The following RPTOR variants were observed in gnomAD, a reference collection of about 807,000 sequenced individuals.
RPTOR encodes the protein regulatory associated protein of MTOR complex 1, also known as regulatory-associated protein of mTOR.
RPTOR carries 21 observed loss-of-function variants against 169.9 expected under a neutral mutation model. That is an observed-to-expected ratio of 0.12 (90% confidence interval 0.09 to 0.18). The LOEUF is 0.18. RPTOR is among the 10% of genes least tolerant of loss of function. The pLI, the probability that RPTOR is intolerant of heterozygous loss-of-function variation, is 1.00. For synonymous variants in RPTOR, 732 were observed against 753.2 expected, an observed-to-expected ratio of 0.97 and a Z score of 0.46; for missense variants, 1,133 against 1,855.9, an observed-to-expected ratio of 0.61 and a Z score of 7.16.
chr17:80,911,442 A>G (rs2068611897), intron 21 of RPTOR, among the ~76,000 whole-genome samples: 1 of 152,218 alleles, frequency 6.6e-6, no homozygotes, highest in Non-Finnish European at 1.5e-5. Flanking sequence ...AAAACTAAGA[A>G]ATAATATAAT....
chr17:80,811,497 C>T (rs889159841), intron 7 of RPTOR, among the ~76,000 whole-genome samples: 1 of 152,206 alleles, frequency 6.6e-6, no homozygotes, highest in Non-Finnish European at 1.5e-5. Flanking sequence ...AAGATCATCT[C>T]ACATGTGTTC....
chr17:80,700,144 T>G (rs957213922), intron 3 of RPTOR, among the ~76,000 whole-genome samples: 1 of 152,168 alleles, frequency 6.6e-6, no homozygotes, highest in African/African-American at 2.4e-5. Context: ...GCTTAAAAGA[T>G]CCTTTCTTGT....
chr17:80,806,103 C>T (rs377602070), intron 7 of RPTOR, among the ~76,000 whole-genome samples: 2 of 152,056 alleles, frequency 1.3e-5, no homozygotes, highest in African/African-American at 2.4e-5. Context: ...AAAAACAAGC[C>T]GCCTCTGGTG....
chr17:80,821,606 C>T (rs750370860), intron 7 of RPTOR, among the ~76,000 whole-genome samples: 2 of 152,144 alleles, frequency 1.3e-5, no homozygotes, highest in African/African-American at 4.8e-5. Flanking sequence ...TTTGTCTCTG[C>T]GTCATCTGCC....
chr17:80,799,795 G>T (rs1471819189), intron 7 of RPTOR, among the ~76,000 whole-genome samples: 1 of 151,578 alleles, frequency 6.6e-6, no homozygotes, highest in Non-Finnish European at 1.5e-5. Flanking sequence ...GGCGACCCTC[G>T]TTGGGAGCGT....
chr17:80,620,491 G>A (rs2065346236), intron 1 of RPTOR, among the ~76,000 whole-genome samples: 1 of 152,210 alleles, frequency 6.6e-6, no homozygotes, highest in Non-Finnish European at 1.5e-5. Flanking sequence ...GAGGCCAGGT[G>A]TGGTGGCTCA....
chr17:80,765,764 T>A (rs183082525), intron 6 of RPTOR, among the ~76,000 whole-genome samples: 3 of 152,164 alleles, frequency 2.0e-5, no homozygotes, highest in African/African-American at 7.2e-5. Context: ...ATGGAGGAAG[T>A]TGAGATCACT....
rs533072089 is a variant in RPTOR, at chr17:80,936,530, T to G, written c.2920-3966T>G. On this transcript the variant is annotated intron_variant, in intron 24 of 33. Transcript: ENST00000306801. The surrounding 1 kb of genome is among the most constrained non-coding windows in gnomAD (Gnocchi z 4.1). ...ATCAGAACAATATTTAAATAAACTA[T>G]TGATAAACGCAGTGGCACAGATGCA... Among the ~76,000 whole-genome samples the G allele has an allele frequency of 6.6e-6, 1 of 152,320 alleles. No homozygotes were observed. Among genetic ancestry groups the G allele is most frequent in the Non-Finnish European group, 1.5e-5 (1 of 68,026 alleles).
chr17:80,645,507 T>G (rs2065588050), intron 3 of RPTOR, among the ~76,000 whole-genome samples: 1 of 152,232 alleles, frequency 6.6e-6, no homozygotes, highest in Non-Finnish European at 1.5e-5. Flanking sequence ...AGAATACATG[T>G]GTTTAATATT....
At position 80,653,948 on chromosome 17, in the gene RPTOR, T is replaced by G. The variant is rs188906932; in HGVS notation, c.348+10138T>G. ...CATTGTGTCGCTGGATTTTCAAGAT[T>G]AAATTCCCCCCACAAGAGTGTTTGA... On this transcript the variant is annotated intron_variant, in intron 3 of 33. Transcript: ENST00000306801. Among the ~76,000 whole-genome samples, 80 of 152,318 alleles carry G rather than the reference T, an allele frequency of 5.3e-4. 1 individual carries two copies. In the East Asian group the frequency reaches 0.013, roughly 25 times the overall value.
At chr17:80,849,895 C>T (rs1286763035) in intron 11 of RPTOR, among the ~76,000 whole-genome samples, 2 of 152,216 alleles carry the variant, frequency 1.3e-5, no homozygotes, top group African/African-American at 4.8e-5. Context: ...TTCGGCAGCT[C>T]GCCCGGAACT....
intron 10 of RPTOR, among the ~76,000 whole-genome samples, chr17:80,843,411 ACT>A (rs1157334278): frequency 1.6e-5 from 2 of 126,394 alleles, no homozygotes; most frequent in East Asian, 4.4e-4. Flanking sequence ...ACAGAGTGAG[ACT>A]CTGTCTCAAA....
chr17:80,614,197 T>C (rs2065292279), intron 1 of RPTOR, among the ~76,000 whole-genome samples: 1 of 152,154 alleles, frequency 6.6e-6, no homozygotes, highest in African/African-American at 2.4e-5. Context: ...AGCCACATGC[T>C]GCGGTTGGGG....
chr17:80,866,407 A>G (rs545083825), intron 13 of RPTOR, among the ~76,000 whole-genome samples: 2 of 152,212 alleles, frequency 1.3e-5, no homozygotes, highest in African/African-American at 4.8e-5. Flanking sequence ...GCGTGAGTGG[A>G]GTAAACCCAA....
intron 11 of RPTOR, among the ~76,000 whole-genome samples, chr17:80,849,384 A>T (rs1245195301): frequency 6.6e-6 from 1 of 152,166 alleles, no homozygotes; most frequent in African/African-American, 2.4e-5. Context: ...CCTCCTGTAA[A>T]CGTGAGCATG....
At position 80,958,536 on chromosome 17, in the gene RPTOR, G is replaced by A. The variant is rs574168910; in HGVS notation, c.3477+806G>A. ...TGCCATTCTTCTGCCTCAGCCTCCCGAGTAGCTGGGACTACAAGCGCCCAC... is the reference window on the plus strand; with the variant it reads ...TGCCATTCTTCTGCCTCAGCCTCCCAAGTAGCTGGGACTACAAGCGCCCAC... On this transcript the variant is annotated intron_variant, in intron 29 of 33. Coordinates refer to ENST00000306801, the MANE Select transcript of RPTOR (RefSeq NM_020761.3). Among the ~76,000 whole-genome samples the A allele has an allele frequency of 1.2e-3, 175 of 143,978 alleles. 1 individual carries two copies. Among genetic ancestry groups the A allele is most frequent in the Admixed American group, 7.9e-4 (11 of 13,886 alleles). The allele number at this position is 143,978 out of a possible 152,430, so 94.5% of individuals were successfully genotyped here. A position where few individuals can be genotyped will look rare whatever the true frequency, so the allele number is the denominator to read the frequency against.
rs759249793 is a variant in RPTOR at position 80,960,054 on chromosome 17, C to T, written c.3478-24C>T. 2.5e-5 allele frequency: 41 copies of T among 1,611,916 alleles called. No homozygotes were observed. Among genetic ancestry groups the T allele is most frequent in the African/African-American group, 6.7e-5 (5 of 74,902 alleles). Reference sequence around the variant, plus strand: ...GGTGGCTCGGTGCCCCGGTCTTCACCGGGCTGCCTGTGTTTGGCTCTAGGA... The same window carrying T: ...GGTGGCTCGGTGCCCCGGTCTTCACTGGGCTGCCTGTGTTTGGCTCTAGGA... On this transcript the variant is annotated intron_variant, in intron 29 of 33. Transcript: ENST00000306801. The surrounding 1 kb of genome is among the most constrained non-coding windows in gnomAD (Gnocchi z 4.8).
At chr17:80,838,162 T>G (rs1198158976) in intron 10 of RPTOR, among the ~76,000 whole-genome samples, 165 bp downstream of exon 10, 1 of 152,010 alleles carries the variant, frequency 6.6e-6, no homozygotes, top group Non-Finnish European at 1.5e-5. Flanking sequence ...AAACATCGAG[T>G]CAACCAGGGT....
At chr17:80,629,610 T>C (rs887893600) in intron 2 of RPTOR, among the ~76,000 whole-genome samples, 3 of 151,680 alleles carry the variant, frequency 2.0e-5, no homozygotes, top group Non-Finnish European at 2.9e-5. Context: ...CTCAGCTCTC[T>C]ATGTATTGCG....
Sources: gnomAD v4.1 joint callset for allele counts (sites outside exome capture counted in the v4.1 genomes callset) on GRCh38, gnomAD v4.1.1 for gene constraint, Gnocchi (gnomAD v3.1) non-coding constraint, MANE v1.5 for transcripts, NCBI Gene and HGNC (gene_info 2026-07-23, HGNC 2026-07-21) for gene names.